PI4KB: variants seen among roughly 807,000 people sequenced by gnomAD.
The protein encoded by PI4KB is phosphatidylinositol 4-kinase beta, also known as PtdIns 4-kinase beta.
PI4KB carries 23 observed loss-of-function variants against 81.4 expected under a neutral mutation model. The ratio of observed to expected loss-of-function variants is 0.28; its 90% CI spans 0.20 to 0.40. PI4KB has a LOEUF of 0.40. Among genes scored for constraint, PI4KB ranks in the 10% least tolerant of loss-of-function variants. The probability of loss-of-function intolerance (pLI) is 1.00; values close to 1 mark genes in which losing one functional copy is unlikely to be tolerated. For missense variants in PI4KB, 651 were observed against 1,036.6 expected (o/e 0.63, Z 5.11); for synonymous variants, 381 against 406.8 (o/e 0.94, Z 0.76).
At chr1:151,293,114 G>A (rs1272614815) in intron 11 of PI4KB, 81 bp from the exon 12 acceptor site, 3 of 1,555,938 alleles carry the variant, frequency 1.9e-6, no homozygotes, top group African/African-American at 1.4e-5. Context: ...CAGAGCTGGG[G>A]CATCTGAAGT....
intron 1 of PI4KB, 55 bp from the exon 2 acceptor site, chr1:151,316,564 G>A: frequency 1.5e-6 from 2 of 1,291,368 alleles, no homozygotes; most frequent in South Asian, 3.4e-5. Flanking sequence ...ACACACATTG[G>A]TTAGTGGTGC....
intron 2 of PI4KB, among the ~76,000 whole-genome samples, chr1:151,315,306 ACAGT>A (rs1214119141): frequency 1.3e-5 from 2 of 151,808 alleles, no homozygotes; most frequent in South Asian, 4.1e-4. Context: ...GATTTGGGAC[ACAGT>A]CAGGAGCGTC....
intron 5 of PI4KB, among the ~76,000 whole-genome samples, chr1:151,305,110 G>A (rs1043145274): frequency 1.3e-5 from 2 of 152,082 alleles, no homozygotes; most frequent in Non-Finnish European, 2.9e-5. Flanking sequence ...GATTACAGGC[G>A]TGCGCCACCG....
At chr1:151,304,882 T>C (rs1043565444) in intron 5 of PI4KB, among the ~76,000 whole-genome samples, 1 of 151,590 alleles carries the variant, frequency 6.6e-6, no homozygotes, top group African/African-American at 2.4e-5. Context: ...CAGGCTGAAG[T>C]GCAGTGGCGT....
chr1:151,323,399 C>A (rs556380005), intron 1 of PI4KB, among the ~76,000 whole-genome samples: 1 of 150,960 alleles, frequency 6.6e-6, no homozygotes, highest in African/African-American at 2.4e-5. Flanking sequence ...CTCAGCTACT[C>A]GGGAGGCTGA....
chr1:151,316,790 A>G (rs1449952900), intron 1 of PI4KB, among the ~76,000 whole-genome samples: 1 of 152,038 alleles, frequency 6.6e-6, no homozygotes, highest in Admixed American at 6.6e-5. Flanking sequence ...TATATGTTGT[A>G]TTTATATAGA....
At position 151,316,178 on chromosome 1, in the gene PI4KB, C is replaced by T; in HGVS notation, c.304G>A (p.Asp102Asn). Residue 102 changes from aspartate to asparagine, a missense_variant, in exon 2 of 12, where the codon GAT becomes AAT. Physicochemically the swap from Asp to Asn is conservative, Grantham distance 23. Coordinates refer to ENST00000368873, the MANE Select transcript of PI4KB (RefSeq NM_001369623.2). ...GAGGCCACAGCGGCCCCCATCTCAT[C>T]TTCCTCCTCCCTGATCTGGGCAGGT... ...DPPAQIREEE[D>N]EMGAAVASGT... is the part of the protein sequence containing the mutation. 1 of 1,614,064 alleles carries T rather than the reference C, an allele frequency of 6.2e-7. No homozygotes were observed. Among genetic ancestry groups the T allele is most frequent in the Non-Finnish European group, 8.5e-7 (1 of 1,179,920 alleles).
At chr1:151,313,743 TG>T in intron 2 of PI4KB, among the ~76,000 whole-genome samples, 1 of 152,396 alleles carries the variant, frequency 6.6e-6, no homozygotes, top group Non-Finnish European at 1.5e-5. Flanking sequence ...GCTTTGCCTG[TG>T]CATGGATGTG....
At chr1:151,293,766 GC>G (rs1418793135) in intron 11 of PI4KB, 12 of 455,316 alleles carry the variant, frequency 2.6e-5, no homozygotes, top group Middle Eastern at 4.7e-4. Flanking sequence ...CTGTAAATGG[GC>G]CTGTTTTCTC....
chr1:151,326,259 C>T, intron 1 of PI4KB: 1 of 1,435,044 alleles, frequency 7.0e-7, no homozygotes, highest in Non-Finnish European at 9.6e-7. Flanking sequence ...ATAGGGACTT[C>T]TTCAAAACTT....
chr1:151,310,582 G>A (rs1696140563), intron 2 of PI4KB, among the ~76,000 whole-genome samples: 1 of 152,028 alleles, frequency 6.6e-6, no homozygotes, highest in African/African-American at 2.4e-5. Flanking sequence ...GGGTCCCTAG[G>A]GCAGTAACTG....
intron 1 of PI4KB, among the ~76,000 whole-genome samples, chr1:151,317,339 C>T (rs985312793): frequency 2.0e-5 from 3 of 151,414 alleles, no homozygotes; most frequent in South Asian, 2.1e-4. Flanking sequence ...ATTTTTGAGA[C>T]AGGGTCTTGC....
intron 8 of PI4KB, among the ~76,000 whole-genome samples, chr1:151,299,306 A>C (rs10888409): frequency 0.62 from 93,476 of 151,828 alleles, 29,052 homozygotes; most frequent in Middle Eastern, 0.67. Context: ...ACCTAAGTAG[A>C]AAGCCCAAGA....
At chr1:151,297,923 C>G (rs1183071374) in intron 9 of PI4KB, among the ~76,000 whole-genome samples, 1 of 152,248 alleles carries the variant, frequency 6.6e-6, no homozygotes, top group East Asian at 1.9e-4. Context: ...TCCAGGACAG[C>G]TGCCCTGTGC....
intron 1 of PI4KB, among the ~76,000 whole-genome samples, chr1:151,322,441 C>A (rs1185114912): frequency 1.3e-5 from 2 of 152,164 alleles, no homozygotes; most frequent in African/African-American, 4.8e-5. Flanking sequence ...CAACTTTCTA[C>A]TGGCCTCCAT....
intron 1 of PI4KB, among the ~76,000 whole-genome samples, chr1:151,317,951 G>C (rs530744227): frequency 6.6e-6 from 1 of 152,090 alleles, no homozygotes; most frequent in East Asian, 1.9e-4. Flanking sequence ...TAGGACTTTA[G>C]GTGTGTGCCA....
chr1:151,297,538 A>C (rs1174905518), intron 9 of PI4KB, among the ~76,000 whole-genome samples: 10 of 150,158 alleles, frequency 6.7e-5, no homozygotes, highest in African/African-American at 2.2e-4. Context: ...TATATATATA[A>C]ATTTTTTTTT....
intron 8 of PI4KB, among the ~76,000 whole-genome samples, chr1:151,300,394 G>A (rs191300733): frequency 1.7e-4 from 26 of 152,290 alleles, no homozygotes; most frequent in African/African-American, 5.8e-4. Flanking sequence ...ATCACCTGAG[G>A]TCGGGAGTTC....
At chr1:151,307,110 T>C (rs375612135) in intron 4 of PI4KB, among the ~76,000 whole-genome samples, 1 of 152,118 alleles carries the variant, frequency 6.6e-6, no homozygotes, top group Admixed American at 6.6e-5. Context: ...TGAATACTCA[T>C]TCCAGTCAGC....
Sources: allele counts gnomAD v4.1 joint callset (sites outside exome capture counted in the v4.1 genomes callset), GRCh38; gene constraint gnomAD v4.1.1; transcripts MANE v1.5; gene names NCBI Gene and HGNC (gene_info 2026-07-23, HGNC 2026-07-21).